Variants in RMST observed in about 807,000 individuals in gnomAD.
RMST encodes rhabdomyosarcoma 2 associated transcript, also known as long intergenic non-protein coding RNA 54.
Position 97,506,512 on chromosome 12 carries a change from C to T in RMST, n.1340+10456C>T, listed in dbSNP as rs113616373. Among the ~76,000 whole-genome samples the T allele has an allele frequency of 9.0e-3, 1,362 of 152,000 alleles. 17 individuals carry two copies. The highest frequency in any genetic ancestry group is 0.031 in the African/African-American group (1,284 of 41,454). On this transcript the variant is annotated intron_variant and non_coding_transcript_variant, in intron 10 of 13. Transcript: ENST00000640149. ...ATAAATTATCTGTCTTTTAGGACAT[C>T]GTCAAGTTGGGATGAGAGGAAAAAT...
In RMST at chr12:97,544,081, AAAG is replaced by A. The variant is rs1395774751; in HGVS notation, n.1545+13227_1545+13229del. Among the ~76,000 whole-genome samples the A allele has an allele frequency of 2.6e-5, 4 of 152,072 alleles. No homozygotes were observed. In the East Asian group the frequency reaches 7.7e-4, roughly 29 times the overall value. On this transcript the variant is annotated intron_variant and non_coding_transcript_variant, in intron 11 of 13. Transcript: ENST00000640149. ...ACCTCCTTGCCCTTCTATCAAAAAG[AAAG>A]AAGAGGAGACTAGAAGACTAATGCT...
chr12:97,488,300 C>A (rs567340867), intron 5 of RMST, among the ~76,000 whole-genome samples: 2 of 152,134 alleles, frequency 1.3e-5, no homozygotes, highest in African/African-American at 4.8e-5. Context: ...ATTGCTTGAA[C>A]CTGGGAGGTG....
chr12:97,474,581 A>C (rs1874305836), intron 5 of RMST, among the ~76,000 whole-genome samples: 1 of 151,458 alleles, frequency 6.6e-6, no homozygotes, highest in Non-Finnish European at 1.5e-5. Context: ...CCTACCTTTA[A>C]AAATACACAT....
chr12:97,513,643 G>A (rs1333970044), intron 10 of RMST, among the ~76,000 whole-genome samples: 1 of 152,158 alleles, frequency 6.6e-6, no homozygotes, highest in East Asian at 1.9e-4. Context: ...TATAGACGCA[G>A]TTTCCAACTA....
At chr12:97,519,189 C>A (rs929902415) in intron 10 of RMST, among the ~76,000 whole-genome samples, 1 of 152,198 alleles carries the variant, frequency 6.6e-6, no homozygotes, top group African/African-American at 2.4e-5. Flanking sequence ...CTGTTACTTA[C>A]AGCTCATGTA....
chr12:97,478,702 A>G (rs530028777), intron 5 of RMST, among the ~76,000 whole-genome samples: 1 of 152,334 alleles, frequency 6.6e-6, no homozygotes, highest in African/African-American at 2.4e-5. Context: ...AAGCACTCTG[A>G]TAGTGACTGA....
intron 10 of RMST, among the ~76,000 whole-genome samples, chr12:97,500,624 C>T (rs1593189954): frequency 6.6e-6 from 1 of 152,242 alleles, no homozygotes; most frequent in East Asian, 1.9e-4. Context: ...GACACCAAAG[C>T]CAATATTAAC....
chr12:97,463,111 C>G lies in RMST; in HGVS notation n.447-41C>G, dbSNP rs146260379. 6.6e-5 allele frequency: 10 copies of G among 151,310 alleles called. No individual in the cohort carries two copies. In the East Asian group the frequency reaches 2.0e-3, roughly 30 times the overall value. The allele number at this position is 151,310 out of a possible 1,614,324, so 9.4% of individuals were successfully genotyped here. Reference sequence around the variant, plus strand: ...ACACACAAGCACACACATACACAAGCGCAAATCCTCTCTTTCTCTTTCTCT... The same window carrying G: ...ACACACAAGCACACACATACACAAGGGCAAATCCTCTCTTTCTCTTTCTCT... On this transcript the variant is annotated intron_variant and non_coding_transcript_variant, in intron 3 of 13. Coordinates refer to ENST00000640149, the Ensembl canonical transcript of RMST.
At chr12:97,464,342 C>G (rs1275980053) in intron 4 of RMST, among the ~76,000 whole-genome samples, 5 of 152,026 alleles carry the variant, frequency 3.3e-5, no homozygotes, top group African/African-American at 9.7e-5. Flanking sequence ...TGAGGGGGAC[C>G]GAAAAGCAGT....
intron 11 of RMST, among the ~76,000 whole-genome samples, chr12:97,541,511 A>G (rs1030762330): frequency 6.6e-6 from 1 of 151,748 alleles, no homozygotes; most frequent in Non-Finnish European, 1.5e-5. Context: ...AACATTTATT[A>G]AGATACCCTG....
chr12:97,504,402 TCAAA>T (rs1565925593), intron 10 of RMST, among the ~76,000 whole-genome samples: 11 of 125,260 alleles, frequency 8.8e-5, no homozygotes, highest in Non-Finnish European at 1.5e-4. Context: ...AGACTTCATT[TCAAA>T]AAAAAAAAAA....
intron 11 of RMST, among the ~76,000 whole-genome samples, chr12:97,547,954 A>T (rs569591589): frequency 3.9e-5 from 6 of 152,062 alleles, no homozygotes; most frequent in South Asian, 2.1e-4. Flanking sequence ...GTCACATTTT[A>T]AAAAAATTTA....
At chr12:97,545,744 G>C (rs1225690263) in intron 11 of RMST, among the ~76,000 whole-genome samples, 5 of 152,082 alleles carry the variant, frequency 3.3e-5, no homozygotes, top group Non-Finnish European at 7.4e-5. Context: ...CAGGTTATGG[G>C]ATTGGATGAG....
intron 11 of RMST, among the ~76,000 whole-genome samples, chr12:97,548,135 T>A (rs906694032): frequency 1.1e-4 from 16 of 152,146 alleles, no homozygotes; most frequent in African/African-American, 3.4e-4. Flanking sequence ...TTCCTTGACA[T>A]TTCTTAAAGA....
intron 11 of RMST, among the ~76,000 whole-genome samples, chr12:97,549,352 G>A (rs1883161089): frequency 1.3e-5 from 2 of 152,114 alleles, no homozygotes; most frequent in Non-Finnish European, 2.9e-5. Flanking sequence ...CATTCTCAGA[G>A]AGCATATGGG....
At chr12:97,521,626 A>G (rs751439579) in intron 10 of RMST, among the ~76,000 whole-genome samples, 8 of 152,168 alleles carry the variant, frequency 5.3e-5, no homozygotes, top group African/African-American at 9.6e-5. Flanking sequence ...AAGCCCCCGC[A>G]TAGTACTCAA....
intron 10 of RMST, among the ~76,000 whole-genome samples, chr12:97,505,533 T>C (rs552265164): frequency 1.3e-5 from 2 of 152,252 alleles, no homozygotes; most frequent in African/African-American, 4.8e-5. Flanking sequence ...GTTTCTTTCA[T>C]GCAAACCGTA....
At chr12:97,563,030 G>T (rs995541266) in intron 13 of RMST, among the ~76,000 whole-genome samples, 3 of 152,192 alleles carry the variant, frequency 2.0e-5, no homozygotes, top group Non-Finnish European at 4.4e-5. Context: ...GGGATTTATG[G>T]TATTGAGTTT....
intron 10 of RMST, among the ~76,000 whole-genome samples, chr12:97,527,072 C>G (rs1327958448): frequency 6.6e-6 from 1 of 152,056 alleles, no homozygotes; most frequent in Admixed American, 6.6e-5. Context: ...AAGGGAGTTT[C>G]AGGTATTGAT....
Sources: gnomAD v4.1 joint callset for allele counts (sites outside exome capture counted in the v4.1 genomes callset) on GRCh38, gnomAD v4.1.1 for gene constraint, MANE v1.5 for transcripts, NCBI Gene and HGNC (gene_info 2026-07-23, HGNC 2026-07-21) for gene names.